Variants in ZNF569 observed in about 807,000 individuals in gnomAD.
ZNF569 encodes DNA-binding protein.
A neutral mutation model predicts 56.3 loss-of-function variants in ZNF569; 38 were observed. That is an observed-to-expected ratio of 0.68 (90% confidence interval 0.52 to 0.88). The LOEUF is 0.88. Ranked by LOEUF, ZNF569 falls within the 40% of genes least tolerant of loss-of-function variation. ZNF569 has a pLI of 0.00. For missense variants in ZNF569, 666 were observed against 809.2 expected (o/e 0.82, Z 2.15); for synonymous variants, 241 against 262.9 (o/e 0.92, Z 0.81).
chr19:37,456,611 T>C (rs1252533408), intron 2 of ZNF569, among the ~76,000 whole-genome samples: 1 of 152,178 alleles, frequency 6.6e-6, no homozygotes, highest in Non-Finnish European at 1.5e-5. Flanking sequence ...TCCTTCCCTC[T>C]AGTTCACTCT....
intron 3 of ZNF569, among the ~76,000 whole-genome samples, chr19:37,428,583 A>C (rs1342576350): frequency 2.7e-5 from 4 of 150,550 alleles, no homozygotes; most frequent in Non-Finnish European, 4.4e-5. Flanking sequence ...GCAAATGTTT[A>C]GTAAGTTTAA....
intron 3 of ZNF569, among the ~76,000 whole-genome samples, chr19:37,443,076 G>A (rs1418409452): frequency 2.0e-5 from 3 of 152,220 alleles, no homozygotes; most frequent in East Asian, 1.9e-4. Context: ...ATGGTCGGCC[G>A]GGTGCTGAGG....
intron 5 of ZNF569, among the ~76,000 whole-genome samples, chr19:37,419,969 C>CTTTTTTTTTTTTT (rs60568702): frequency 9.9e-6 from 1 of 100,628 alleles, no homozygotes; most frequent in Non-Finnish European, 1.9e-5. Flanking sequence ...TCTTTTCTTT[C>CTTTTTTTTTTTTT]TTTTTTTTTT....
chr19:37,450,978 A>G (rs768745499), intron 2 of ZNF569, among the ~76,000 whole-genome samples: 23 of 152,312 alleles, frequency 1.5e-4, no homozygotes, highest in Non-Finnish European at 2.1e-4. Flanking sequence ...GTCAGAAAAT[A>G]TATTTGGTAT....
In ZNF569 at chr19:37,413,637, G is replaced by A; in HGVS notation, c.1021C>T (p.Leu341Phe). 6.2e-7 allele frequency: 1 copy of A among 1,613,918 alleles called. No homozygotes were observed. Among genetic ancestry groups the A allele is most frequent in the Non-Finnish European group, 8.5e-7 (1 of 1,179,930 alleles). The change falls in exon 6 of 6, where the codon CTT becomes TTT. Residue 341 changes from leucine to phenylalanine, a missense_variant. Leu to Phe is a conservative substitution (Grantham distance 22). Coordinates refer to ENST00000316950, the MANE Select transcript of ZNF569 (RefSeq NM_152484.3). ...CGKAFPRIAS[L>F]ALHMRSHTGE... ...GTATGACTTCTCATATGAAGAGCAA[G>A]GGATGCAATTCGAGGGAAGGCTTTA...
chr19:37,453,322 C>A (rs2146960622), intron 2 of ZNF569, among the ~76,000 whole-genome samples: 1 of 152,290 alleles, frequency 6.6e-6, no homozygotes. Context: ...ACAGCCTTTA[C>A]AATTAGTTTC....
chr19:37,438,880 T>C (rs11671510), intron 3 of ZNF569, among the ~76,000 whole-genome samples: 4,600 of 152,134 alleles, frequency 0.03, 216 homozygotes, highest in African/African-American at 0.096. Flanking sequence ...CTAGAATATA[T>C]AAGGAGCTCA....
chr19:37,421,012 G>C (rs1479492625), intron 5 of ZNF569, among the ~76,000 whole-genome samples: 1 of 152,194 alleles, frequency 6.6e-6, no homozygotes, highest in Non-Finnish European at 1.5e-5. Context: ...GGGTGACCAA[G>C]TGCACTGTCA....
chr19:37,439,883 C>T (rs951507146), intron 3 of ZNF569, among the ~76,000 whole-genome samples: 4 of 152,080 alleles, frequency 2.6e-5, no homozygotes, highest in African/African-American at 4.8e-5. Context: ...AAATAGAGCA[C>T]AGAATGATGG....
intron 2 of ZNF569, among the ~76,000 whole-genome samples, chr19:37,463,009 C>T (rs967207532): frequency 1.3e-5 from 2 of 152,180 alleles, no homozygotes; most frequent in African/African-American, 4.8e-5. Flanking sequence ...CATTCCAAGT[C>T]AGTTTTTCCT....
intron 2 of ZNF569, among the ~76,000 whole-genome samples, chr19:37,448,526 G>T (rs2041535811): frequency 1.6e-5 from 2 of 128,214 alleles, no homozygotes; most frequent in Non-Finnish European, 1.7e-5. Flanking sequence ...ATTATTTTTG[G>T]TTTCAAATTG....
Position 37,413,140 on chromosome 19 carries a change from CT to C in ZNF569, c.1517del (p.Lys506SerfsTer36). 6.2e-7 allele frequency: 1 copy of C among 1,608,444 alleles called. No individual in the cohort carries two copies. The highest frequency in any genetic ancestry group is 8.5e-7 in the Non-Finnish European group (1 of 1,177,964). On this transcript the variant is annotated frameshift_variant, in exon 6 of 6. Coordinates refer to ENST00000316950, the MANE Select transcript of ZNF569 (RefSeq NM_152484.3). LOFTEE classifies it high-confidence loss of function. ...CNECGKAFSQ[K>X]QNFITHQKVH... ...CTTTTTGATGTGTAATGAAGTTTTG[CT>C]TTTGGCTGAAGGCTTTACCACATTC... is the stretch of plus-strand genomic sequence containing the variant.
chr19:37,414,350 A>G lies in ZNF569; in HGVS notation c.308T>C (p.Phe103Ser). ...TTTTTCTTCAGTCAGTGTTTTCTGG[A>G]ATTTAACTTCAACTTGTCTCAAAAG... ...DRLLRQVEVK[F>S]QKTLTEEKGN... The change falls in exon 6 of 6, where the codon TTC becomes TCC. Residue 103 changes from phenylalanine (F) to serine (S), a missense_variant. Transcript: ENST00000316950. The G allele has an allele frequency of 6.2e-7, 1 of 1,612,532 alleles. No homozygotes were observed. The highest frequency in any genetic ancestry group is 1.1e-5 in the South Asian group (1 of 90,664).
upstream of ZNF569, chr19:37,467,599 C>T: frequency 2.0e-6 from 1 of 512,000 alleles, no homozygotes; most frequent in Middle Eastern, 5.2e-4. Context: ...TTTTGGGTCT[C>T]TACCTGAGGC....
At chr19:37,455,521 T>A (rs2041658395) in intron 2 of ZNF569, among the ~76,000 whole-genome samples, 1 of 152,128 alleles carries the variant, frequency 6.6e-6, no homozygotes, top group African/African-American at 2.4e-5. Context: ...TAATATATAT[T>A]TTTTAACACT....
chr19:37,428,234 C>T (rs1378908349), intron 3 of ZNF569, among the ~76,000 whole-genome samples: 3 of 152,132 alleles, frequency 2.0e-5, no homozygotes, highest in African/African-American at 2.4e-5. Flanking sequence ...GAGCTAGGCG[C>T]GGTGGCTCAC....
chr19:37,420,301 T>C (rs1195462318), intron 5 of ZNF569, among the ~76,000 whole-genome samples: 1 of 152,044 alleles, frequency 6.6e-6, no homozygotes, highest in Admixed American at 6.6e-5. Flanking sequence ...TTTCTTAAGA[T>C]AACAATGAAG....
intron 5 of ZNF569, among the ~76,000 whole-genome samples, chr19:37,425,317 A>ATTTT (rs1491209595): frequency 7.7e-6 from 1 of 129,224 alleles, no homozygotes; most frequent in Non-Finnish European, 1.6e-5. Flanking sequence ...ACACGTGGCT[A>ATTTT]ATTTTTTTTT....
At chr19:37,425,188 G>A (rs1009813804) in intron 5 of ZNF569, among the ~76,000 whole-genome samples, 30 of 151,692 alleles carry the variant, frequency 2.0e-4, no homozygotes, top group African/African-American at 6.3e-4. Flanking sequence ...GTCTCACTCC[G>A]TTGCCTAGGC....
Sources: gnomAD v4.1 joint callset for allele counts (sites outside exome capture counted in the v4.1 genomes callset) on GRCh38, gnomAD v4.1.1 for gene constraint, MANE v1.5 for transcripts, NCBI Gene and HGNC (gene_info 2026-07-23, HGNC 2026-07-21) for gene names.